Variants in ZNF292 observed in about 807,000 individuals in gnomAD.
ZNF292 encodes the protein zinc finger protein 292.
Under a neutral mutation model 217.9 loss-of-function variants are expected in ZNF292, and 26 were observed. The observed-to-expected ratio is 0.12, with a 90% CI of 0.09 to 0.17. The LOEUF (loss-of-function observed/expected upper bound fraction) is 0.17. Ranked by LOEUF, ZNF292 falls within the 10% of genes least tolerant of loss-of-function variation. The pLI, the probability that ZNF292 is intolerant of heterozygous loss-of-function variation, is 1.00. For synonymous variants in ZNF292, 1,257 were observed against 1,124.1 expected (o/e 1.12, Z -2.37); for missense variants, 2,904 against 3,175.2 (o/e 0.91, Z 2.05).
chr6:87,245,452 A>AT, intron 6 of ZNF292, 51 bp from the exon 7 acceptor site: 1 of 1,350,802 alleles, frequency 7.4e-7, no homozygotes, highest in Non-Finnish European at 1.0e-6. Flanking sequence ...GATGTCCATG[A>AT]TTATTACCTT....
intron 1 of ZNF292, among the ~76,000 whole-genome samples, chr6:87,161,823 G>C (rs1770763948): frequency 1.3e-5 from 2 of 152,192 alleles, no homozygotes; most frequent in African/African-American, 4.8e-5. Context: ...ATGAAAACTT[G>C]ATCTTTTTCC....
At position 87,257,892 on chromosome 6, in the gene ZNF292, T is replaced by C. The variant is rs761840692; in HGVS notation, c.4263T>C (p.Leu1421=). Residue 1421 remains leucine, a synonymous_variant, in exon 8 of 8, where the codon CTT becomes CTC. Coordinates refer to ENST00000369577, the MANE Select transcript of ZNF292 (RefSeq NM_015021.3). ...TACAGAGTAATGGACAGCCTTCTCT[T>C]CTTGCCAGCATGATTCTCTCCACAA... ...ELLQSNGQPS[L]LASMILSTNA... is the part of the protein sequence containing the mutation. The C allele has an allele frequency of 1.2e-6, 2 of 1,613,836 alleles. No individual in the cohort carries two copies. The highest frequency in any genetic ancestry group is 2.2e-5 in the East Asian group (1 of 44,876).
At chr6:87,156,285 C>G (rs1001986847) in intron 1 of ZNF292, among the ~76,000 whole-genome samples, 3 of 152,202 alleles carry the variant, frequency 2.0e-5, no homozygotes, top group Non-Finnish European at 4.4e-5. Flanking sequence ...CGAGTTTCGC[C>G]TTAGGACTGA....
chr6:87,176,232 A>G (rs897314258), intron 1 of ZNF292, among the ~76,000 whole-genome samples: 4 of 152,236 alleles, frequency 2.6e-5, no homozygotes, highest in African/African-American at 9.6e-5. Context: ...TTCAGAAATG[A>G]AGACCCAAAG....
intron 1 of ZNF292, among the ~76,000 whole-genome samples, chr6:87,200,698 A>G (rs1481345962): frequency 6.6e-6 from 1 of 152,234 alleles, no homozygotes; most frequent in Non-Finnish European, 1.5e-5. Flanking sequence ...TGCCATCAGA[A>G]TGCTACAAAG....
chr6:87,244,032 C>T (rs1057010837), intron 6 of ZNF292, among the ~76,000 whole-genome samples: 2 of 143,858 alleles, frequency 1.4e-5, no homozygotes, highest in Non-Finnish European at 1.5e-5. Context: ...AATGTAAAAA[C>T]TGAAGATCAG....
chr6:87,216,156 CA>C (rs1772762654), intron 2 of ZNF292, 99 bp downstream of exon 2: 1 of 1,125,612 alleles, frequency 8.9e-7, no homozygotes, highest in Non-Finnish European at 1.3e-6. Flanking sequence ...CACACACACA[CA>C]ACATTAAATC....
At chr6:87,205,664 A>G (rs1352434203) in intron 1 of ZNF292, among the ~76,000 whole-genome samples, 1 of 151,954 alleles carries the variant, frequency 6.6e-6, no homozygotes, top group Non-Finnish European at 1.5e-5. Flanking sequence ...CTCATTTCCA[A>G]TACTGTTGAT....
intron 1 of ZNF292, among the ~76,000 whole-genome samples, chr6:87,213,154 T>C (rs1229771918): frequency 6.6e-6 from 1 of 152,174 alleles, no homozygotes; most frequent in African/African-American, 2.4e-5. Context: ...ACAAAGTCTA[T>C]TGAGCCTGCT....
In ZNF292 at chr6:87,261,712, A is replaced by C. The variant is rs745559171; in HGVS notation, c.8083A>C (p.Lys2695Gln). The C allele has an allele frequency of 1.9e-6, 3 of 1,613,140 alleles. No homozygotes were observed. Among genetic ancestry groups the C allele is most frequent in the Non-Finnish European group, 2.5e-6 (3 of 1,179,378 alleles). The change falls in exon 8 of 8, where the codon AAA becomes CAA. Residue 2695 changes from lysine (K) to glutamine (Q), a missense_variant. Around this residue, in one of 15 missense-constraint regions of ZNF292, gnomAD observed 380 missense variants for 355.3 expected, o/e 1.07. Coordinates refer to ENST00000369577, the MANE Select transcript of ZNF292 (RefSeq NM_015021.3). Reference sequence around the variant, plus strand: ...GGAAATGAAACCTACCGTCAGTCTGAAAAAACTTGAAGTACATTCAAATGA... The same window carrying C: ...GGAAATGAAACCTACCGTCAGTCTGCAAAAACTTGAAGTACATTCAAATGA... ...LQEMKPTVSL[K>Q]KLEVHSNDPD...
Position 87,261,145 on chromosome 6 carries a change from A to T in ZNF292, c.7516A>T (p.Thr2506Ser). Residue 2506 changes from threonine (T) to serine (S), a missense_variant, in exon 8 of 8, where the codon ACT becomes TCT. Physicochemically the swap from Thr to Ser is moderately conservative, Grantham distance 58. Transcript: ENST00000369577. Reference protein sequence around the residue: ...DSTSVETQANTSSNVSNDFQE... With the variant: ...DSTSVETQANSSSNVSNDFQE... ...CACAAGTGTAGAGACCCAAGCTAAT[A>T]CTTCTTCAAATGTAAGTAATGATTT... 6.2e-7 allele frequency: 1 copy of T among 1,613,090 alleles called. No homozygotes were observed. Among genetic ancestry groups the T allele is most frequent in the South Asian group, 1.1e-5 (1 of 90,960 alleles).
At chr6:87,192,561 T>C (rs1771849110) in intron 1 of ZNF292, among the ~76,000 whole-genome samples, 1 of 152,188 alleles carries the variant, frequency 6.6e-6, no homozygotes, top group African/African-American at 2.4e-5. Flanking sequence ...GAAACCCTTA[T>C]TCACTTAGGT....
At chr6:87,159,972 C>T (rs1770677744) in intron 1 of ZNF292, among the ~76,000 whole-genome samples, 1 of 152,180 alleles carries the variant, frequency 6.6e-6, no homozygotes. Context: ...AGGATTATTA[C>T]TGTATTTATT....
At position 87,155,623 on chromosome 6, in the gene ZNF292, T is replaced by G. The variant is rs770148026; in HGVS notation, c.32T>G (p.Leu11Trp). MADEEAEQER[L>W]SCGEGGCVAE... ...GACGAAGAGGCCGAGCAGGAGAGGT[T>G]GAGTTGCGGCGAAGGCGGCTGCGTC... The change falls in exon 1 of 8, where the codon TTG (leucine) becomes TGG (tryptophan). Residue 11 changes from leucine to tryptophan, a missense_variant. Coordinates refer to ENST00000369577, the MANE Select transcript of ZNF292 (RefSeq NM_015021.3). 6.3e-7 allele frequency: 1 copy of G among 1,583,950 alleles called. No homozygotes were observed. The highest frequency in any genetic ancestry group is 1.2e-5 in the South Asian group (1 of 86,694).
At chr6:87,201,790 T>C (rs9344691) in intron 1 of ZNF292, among the ~76,000 whole-genome samples, 81,470 of 152,148 alleles carry the variant, frequency 0.54, 22,256 homozygotes, top group Admixed American at 0.62. Flanking sequence ...GGAATAGTTA[T>C]AATTTTTCTT....
At chr6:87,221,632 T>G (rs985047801) in intron 4 of ZNF292, among the ~76,000 whole-genome samples, 15 of 152,226 alleles carry the variant, frequency 9.9e-5, no homozygotes, top group African/African-American at 3.4e-4. Flanking sequence ...ACACTTAGTC[T>G]TCTTTTCTTT....
At chr6:87,212,602 A>T (rs4099965) in intron 1 of ZNF292, among the ~76,000 whole-genome samples, 16 of 152,338 alleles carry the variant, frequency 1.1e-4, no homozygotes, top group African/African-American at 3.8e-4. Context: ...TTATTATACC[A>T]TACTTGTATG....
chr6:87,160,953 A>T (rs1770730448), intron 1 of ZNF292, among the ~76,000 whole-genome samples: 1 of 152,202 alleles, frequency 6.6e-6, no homozygotes, highest in African/African-American at 2.4e-5. Context: ...CAGAAAGAAA[A>T]ATAGTATATC....
chr6:87,189,889 A>G (rs541762732), intron 1 of ZNF292, among the ~76,000 whole-genome samples: 42 of 152,320 alleles, frequency 2.8e-4, no homozygotes, highest in African/African-American at 1.0e-3. Flanking sequence ...TAGATAAACT[A>G]TTTGGGATTC....
Sources: allele counts gnomAD v4.1 joint callset (sites outside exome capture counted in the v4.1 genomes callset), GRCh38; gene constraint gnomAD v4.1.1; regional missense constraint gnomAD v4.1.1; transcripts MANE v1.5; gene names NCBI Gene and HGNC (gene_info 2026-07-23, HGNC 2026-07-21).